The following SYT14 variants were observed in gnomAD, a reference collection of about 807,000 sequenced individuals.
SYT14 encodes synaptotagmin-14.
In SYT14, 32 loss-of-function variants were observed where a neutral mutation model predicts 74.2. That is an observed-to-expected ratio of 0.43 (90% CI 0.33 to 0.58). The LOEUF (loss-of-function observed/expected upper bound fraction) is 0.58, where lower values mean the gene tolerates loss of function less well. Among genes scored for constraint, SYT14 ranks in the 20% least tolerant of loss-of-function variants. SYT14 has a pLI of 0.05. For missense variants in SYT14, 791 were observed against 981.8 expected, an observed-to-expected ratio of 0.81 and a Z score of 2.60; for synonymous variants, 298 against 337.7, an observed-to-expected ratio of 0.88 and a Z score of 1.29.
intron 5 of SYT14, among the ~76,000 whole-genome samples, chr1:210,024,861 TAGA>T (rs35593156): frequency 0.11 from 16,597 of 152,106 alleles, 1,208 homozygotes; most frequent in Non-Finnish European, 0.15. Flanking sequence ...AGAAAAGTTT[TAGA>T]AGAAGAAGGA....
rs60320865 is a variant in SYT14, at chr1:210,088,106, G to A, written c.1313-6216G>A. Among the ~76,000 whole-genome samples, 1,263 of 150,472 alleles carry A rather than the reference G, an allele frequency of 8.4e-3. 14 individuals carry two copies. Among genetic ancestry groups the A allele is most frequent in the African/African-American group, 0.026 (1,086 of 41,072 alleles). ...TTTGATGCTTTCTGTTATATGCTTG[G>A]TTTTTTATTTAATTTCTGCTCTTTA... On this transcript the variant is annotated intron_variant, in intron 5 of 9. Coordinates refer to ENST00000637265, the Ensembl canonical transcript of SYT14.
At chr1:209,973,890 A>T (rs1254459299) in intron 2 of SYT14, among the ~76,000 whole-genome samples, 8 of 152,098 alleles carry the variant, frequency 5.3e-5, no homozygotes, top group Non-Finnish European at 7.4e-5. Context: ...CTGACTTTTT[A>T]ATGATCGCCA....
intron 2 of SYT14, among the ~76,000 whole-genome samples, chr1:209,981,570 C>T (rs1315559866): frequency 2.0e-5 from 3 of 150,456 alleles, no homozygotes; most frequent in Non-Finnish European, 4.4e-5. Context: ...CCCACCTTAG[C>T]CTCCCGAGTA....
Position 210,013,763 on chromosome 1 carries a change from A to G in SYT14, c.-355A>G, listed in dbSNP as rs1572158245. ...GCGGGTTTCCAGATCTTGGTTCAGA[A>G]TACAGTACAAGGAAGAATTCACAAG... On this transcript the variant is annotated 5_prime_UTR_variant, in exon 3 of 10. Transcript: ENST00000637265. 1.9e-6 allele frequency: 3 copies of G among 1,612,972 alleles called. No homozygotes were observed. Among genetic ancestry groups the G allele is most frequent in the Non-Finnish European group, 2.5e-6 (3 of 1,179,802 alleles).
intron 5 of SYT14, among the ~76,000 whole-genome samples, chr1:210,025,846 G>A (rs550116125): frequency 6.6e-6 from 1 of 152,218 alleles, no homozygotes; most frequent in East Asian, 1.9e-4. Flanking sequence ...AAGTCACACA[G>A]CAAGATAAAA....
chr1:210,126,947 T>C (rs1005947431), intron 7 of SYT14, among the ~76,000 whole-genome samples: 3 of 152,302 alleles, frequency 2.0e-5, no homozygotes, highest in East Asian at 3.9e-4. Context: ...GAGTGACATA[T>C]AGAGAAAGAA....
chr1:210,024,279 A>T (rs1054741161), intron 5 of SYT14, among the ~76,000 whole-genome samples: 1 of 152,214 alleles, frequency 6.6e-6, no homozygotes, highest in Non-Finnish European at 1.5e-5. Flanking sequence ...ATCAGAAAAG[A>T]TATCAGTTAA....
At position 210,061,383 on chromosome 1, in the gene SYT14, T is replaced by G. The variant is rs192452938; in HGVS notation, c.1313-32939T>G. ...CGTTTATTCTTGCCTATGCGAATTTTAAATCAGAGGCTAATCAACTGTGTG... is the reference window on the plus strand; with the variant it reads ...CGTTTATTCTTGCCTATGCGAATTTGAAATCAGAGGCTAATCAACTGTGTG... On this transcript the variant is annotated intron_variant, in intron 5 of 9. Coordinates refer to ENST00000637265, the Ensembl canonical transcript of SYT14. 7.9e-5 allele frequency among the ~76,000 whole-genome samples: 12 copies of G among 152,148 alleles called. No individual in the cohort carries two copies. In the East Asian group the frequency reaches 2.3e-3, roughly 29 times the overall value.
At chr1:210,103,001 C>G (rs2102554037) in intron 7 of SYT14, among the ~76,000 whole-genome samples, 1 of 152,190 alleles carries the variant, frequency 6.6e-6, no homozygotes, top group South Asian at 2.1e-4. Context: ...TGAATAATCA[C>G]TTATTATTGT....
At chr1:209,940,182 C>T (rs76450818) in intron 1 of SYT14, among the ~76,000 whole-genome samples, 1 of 152,214 alleles carries the variant, frequency 6.6e-6, no homozygotes, top group South Asian at 2.1e-4. Flanking sequence ...CTCCTTATCA[C>T]ATAGTAAAAT....
intron 2 of SYT14, among the ~76,000 whole-genome samples, chr1:209,989,172 A>G (rs544160034): frequency 6.6e-6 from 1 of 152,166 alleles, no homozygotes; most frequent in Non-Finnish European, 1.5e-5. Context: ...GTGGTGGGAG[A>G]AATCTGTCCA....
At chr1:210,084,577 C>T (rs2081683482) in intron 5 of SYT14, among the ~76,000 whole-genome samples, 1 of 152,178 alleles carries the variant, frequency 6.6e-6, no homozygotes, top group African/African-American at 2.4e-5. Context: ...TTGAGGCAGC[C>T]AAGGTTTCTG....
chr1:210,169,221 G>GTTTTTTTTTTTT (rs35974726), exon 10 of SYT14: 10 of 50,238 alleles, frequency 2.0e-4, no homozygotes, highest in African/African-American at 6.2e-4. Context: ...TGTTTTTGGT[G>GTTTTTTTTTTTT]TTTTTTTTTT....
exon 10 of SYT14, chr1:210,169,993 T>C (rs1185566781): frequency 6.6e-6 from 1 of 152,038 alleles, no homozygotes; most frequent in Non-Finnish European, 1.5e-5. Flanking sequence ...TTTCATTTTT[T>C]CAGGCAAGAA....
chr1:210,170,755 A>T (rs893475989), exon 10 of SYT14: 5 of 152,144 alleles, frequency 3.3e-5, no homozygotes, highest in African/African-American at 1.2e-4. Context: ...TATCAAATGG[A>T]TATATGTACA....
chr1:210,039,584 A>G (rs2102338858), intron 5 of SYT14, among the ~76,000 whole-genome samples: 1 of 152,332 alleles, frequency 6.6e-6, no homozygotes, highest in African/African-American at 2.4e-5. Context: ...AACTGTCATC[A>G]GAGTGAACAG....
chr1:210,067,941 A>G (rs2081326919), intron 5 of SYT14, among the ~76,000 whole-genome samples: 1 of 151,878 alleles, frequency 6.6e-6, no homozygotes, highest in Non-Finnish European at 1.5e-5. Context: ...ATTATTTCTA[A>G]TAAATTCTAA....
chr1:210,018,561 A>G (rs756588148), intron 4 of SYT14, among the ~76,000 whole-genome samples: 14 of 152,218 alleles, frequency 9.2e-5, no homozygotes, highest in Non-Finnish European at 4.4e-5. Flanking sequence ...TATTTTATTC[A>G]GAAAATAATG....
At chr1:210,066,798 A>G (rs2102429037) in intron 5 of SYT14, among the ~76,000 whole-genome samples, 1 of 152,186 alleles carries the variant, frequency 6.6e-6, no homozygotes, top group African/African-American at 2.4e-5. Context: ...ACGGACTAAT[A>G]CAGTGCTCAA....
Sources: allele counts gnomAD v4.1 joint callset (sites outside exome capture counted in the v4.1 genomes callset), GRCh38; gene constraint gnomAD v4.1.1; transcripts MANE v1.5; gene names NCBI Gene and HGNC (gene_info 2026-07-23, HGNC 2026-07-21).